Variants in PGAP3 observed in about 807,000 individuals in gnomAD.
The protein encoded by PGAP3 is post-GPI attachment to proteins phospholipase 3, also known as GPI-specific phospholipase A2-like PGAP3.
A neutral mutation model predicts 40.3 loss-of-function variants in PGAP3; 31 were observed. That is an observed-to-expected ratio of 0.77 (90% CI 0.58 to 1.04). The LOEUF (loss-of-function observed/expected upper bound fraction) is 1.04, where lower values mean the gene tolerates loss of function less well. Among genes scored for constraint, PGAP3 ranks in the 50% least tolerant of loss-of-function variants. The pLI, the probability that PGAP3 is intolerant of heterozygous loss-of-function variation, is 0.00. For synonymous variants in PGAP3, 191 were observed against 184.5 expected (o/e 1.04, Z -0.29); for missense variants, 413 against 423.0 (o/e 0.98, Z 0.21).
At chr17:39,682,499 T>C (rs1320451503) in intron 3 of PGAP3, among the ~76,000 whole-genome samples, 1 of 152,144 alleles carries the variant, frequency 6.6e-6, no homozygotes, top group East Asian at 1.9e-4. Flanking sequence ...ATGCTTAGAG[T>C]GATGCCTGGC....
Position 39,672,653 on chromosome 17 carries a change from G to A in PGAP3, c.*150C>T, listed in dbSNP as rs1206191219. 4 of 805,536 alleles carry A rather than the reference G, an allele frequency of 5.0e-6. No individual in the cohort carries two copies. The highest frequency in any genetic ancestry group is 8.0e-6 in the Non-Finnish European group (4 of 497,542). 49.9% of individuals were successfully genotyped at this position (805,536 alleles called of 1,614,324 possible). On this transcript the variant is annotated 3_prime_UTR_variant, in exon 8 of 8. Transcript: ENST00000300658. ...CCAAGGCTGGTGAGGGCCAACAGGG[G>A]GTGGGCTGGCCACATGATTCTGGGC...
intron 3 of PGAP3, among the ~76,000 whole-genome samples, chr17:39,682,048 A>G (rs2517952): frequency 0.67 from 100,675 of 149,822 alleles, 34,152 homozygotes; most frequent in South Asian, 0.73. Context: ...GTGAAACCCC[A>G]TCTCTACTAA....
Position 39,673,174 on chromosome 17 carries a change from A to C in PGAP3, c.776T>G (p.Val259Gly). ...RLPHVRKCVV[V>G]VLLLQGLSLL... Reference sequence around the variant, plus strand: ...GGACAGCCCCTGCAGCAGCAAGACCACCACCACGCACTTGCGCACGTGAGG... The same window carrying C: ...GGACAGCCCCTGCAGCAGCAAGACCCCCACCACGCACTTGCGCACGTGAGG... The change falls in exon 7 of 8, where the codon GTG becomes GGG. Residue 259 changes from valine (V) to glycine (G), a missense_variant. Transcript: ENST00000300658. The C allele has an allele frequency of 6.3e-7, 1 of 1,583,834 alleles. No homozygotes were observed. Among genetic ancestry groups the C allele is most frequent in the Non-Finnish European group, 8.6e-7 (1 of 1,165,586 alleles).
At chr17:39,683,875 T>A (rs1165028015) in intron 3 of PGAP3, among the ~76,000 whole-genome samples, 5 of 152,030 alleles carry the variant, frequency 3.3e-5, no homozygotes, top group African/African-American at 1.2e-4. Context: ...CTGTAATCCC[T>A]GCACTTTGGG....
rs772053187 is a variant in PGAP3, at chr17:39,673,464, C to T, written c.694+50G>A. 5 of 1,610,334 alleles carry T rather than the reference C, an allele frequency of 3.1e-6. No homozygotes were observed. In the Admixed American group the frequency reaches 5.0e-5, roughly 16 times the overall value. ...AGGAATGGCACCAACCTCCCACTCG[C>T]ACCCCAAGCTAGCACTTCTGCAGAT... is the stretch of plus-strand genomic sequence containing the variant. On this transcript the variant is annotated intron_variant, in intron 6 of 7. Transcript: ENST00000300658.
At chr17:39,681,946 C>T (rs1003661632) in intron 3 of PGAP3, among the ~76,000 whole-genome samples, 5 of 151,756 alleles carry the variant, frequency 3.3e-5, no homozygotes, top group African/African-American at 7.3e-5. Context: ...GTGGGCCGGG[C>T]GCAGTGGCTC....
intron 3 of PGAP3, among the ~76,000 whole-genome samples, chr17:39,678,513 G>A (rs1211631788): frequency 1.3e-5 from 2 of 152,250 alleles, no homozygotes; most frequent in Non-Finnish European, 2.9e-5. Flanking sequence ...GGCAAGGGCT[G>A]CCTTCTTGTG....
intron 1 of PGAP3, among the ~76,000 whole-genome samples, chr17:39,687,087 A>G (rs958926795): frequency 6.6e-6 from 1 of 152,156 alleles, no homozygotes; most frequent in African/African-American, 2.4e-5. Flanking sequence ...ACATCTGCCC[A>G]GGGCATCCAT....
At position 39,673,573 on chromosome 17, in the gene PGAP3, G is replaced by A. The variant is rs1350806008; in HGVS notation, c.635C>T (p.Ser212Phe). ...LLLLMLTVHVSYLSLIRFDYG... is the reference protein window; with the variant it reads ...LLLLMLTVHVFYLSLIRFDYG... ...GTCGAAGCGGATGAGGCTCAGGTAG[G>A]AGACGTGCACGGTCAGCATGAGCAG... The change falls in exon 6 of 8, where the codon TCC becomes TTC. Residue 212 changes from serine (S) to phenylalanine (F), a missense_variant. Coordinates refer to ENST00000300658, the MANE Select transcript of PGAP3 (RefSeq NM_033419.5). The A allele has an allele frequency of 6.2e-7, 1 of 1,614,024 alleles. No individual in the cohort carries two copies. Among genetic ancestry groups the A allele is most frequent in the African/African-American group, 1.3e-5 (1 of 74,902 alleles).
intron 2 of PGAP3, 65 bp downstream of exon 2, chr17:39,685,857 C>T: frequency 3.4e-6 from 5 of 1,464,858 alleles, no homozygotes; most frequent in Non-Finnish European, 4.7e-6. Context: ...CAGTGTGGTC[C>T]AACCAGGGGG....
intron 3 of PGAP3, 30 bp from the exon 4 acceptor site, chr17:39,674,709 GC>G: frequency 2.6e-6 from 4 of 1,539,058 alleles, no homozygotes; most frequent in East Asian, 4.9e-5. Flanking sequence ...TGAGCATGCT[GC>G]CCCCCACCCT....
Position 39,671,155 on chromosome 17 carries a change from T to C in PGAP3, c.*1648A>G, listed in dbSNP as rs1197657409. 1 of 152,342 alleles carries C rather than the reference T, an allele frequency of 6.6e-6. No homozygotes were observed. The highest frequency in any genetic ancestry group is 6.5e-5 in the Admixed American group (1 of 15,278). The allele number at this position is 152,342 out of a possible 1,614,324, so 9.4% of individuals were successfully genotyped here. A position where few individuals can be genotyped will look rare whatever the true frequency, so the allele number is the denominator to read the frequency against. On this transcript the variant is annotated 3_prime_UTR_variant, in exon 8 of 8. Transcript: ENST00000300658. ...GGAATTGATTTATTAAGCACATCCC[T>C]TGCCACCCTCCCACCTTAAAAGTTT...
chr17:39,685,551 G>A (rs762179565), intron 2 of PGAP3, among the ~76,000 whole-genome samples: 6 of 151,804 alleles, frequency 4.0e-5, no homozygotes, highest in Non-Finnish European at 7.4e-5. Flanking sequence ...ACTGTGCCTC[G>A]CTAGACAAGC....
At chr17:39,684,115 ACT>A (rs1242575727) in intron 3 of PGAP3, among the ~76,000 whole-genome samples, 2 of 110,680 alleles carry the variant, frequency 1.8e-5, no homozygotes, top group African/African-American at 7.6e-5. Context: ...ACACAGTGAG[ACT>A]CTGTCTCAAA....
At chr17:39,673,863 C>T in intron 5 of PGAP3, 130 bp downstream of exon 5, 1 of 1,269,270 alleles carries the variant, frequency 7.9e-7, no homozygotes, top group South Asian at 1.3e-5. Flanking sequence ...CCCAGGACAG[C>T]TGATGTGTTG....
At chr17:39,677,690 G>T (rs1415327247) in intron 3 of PGAP3, among the ~76,000 whole-genome samples, 1 of 152,212 alleles carries the variant, frequency 6.6e-6, no homozygotes, top group African/African-American at 2.4e-5. Context: ...GAGGAGAGGG[G>T]GTGGCCAGGG....
intron 3 of PGAP3, among the ~76,000 whole-genome samples, chr17:39,682,033 A>G (rs1317313070): frequency 6.6e-6 from 1 of 151,468 alleles, no homozygotes; most frequent in Non-Finnish European, 1.5e-5. Context: ...ATCCTGGCTA[A>G]CATGGTGAAA....
At chr17:39,684,938 ACC>A in intron 2 of PGAP3, 189 bp from the exon 3 acceptor site, 1 of 654,224 alleles carries the variant, frequency 1.5e-6, no homozygotes, top group Non-Finnish European at 2.5e-6. Context: ...TAAGAGTTAT[ACC>A]CCCATCCTGG....
chr17:39,687,883 G>T lies in PGAP3; in HGVS notation c.132C>A (p.Gly44=). Residue 44 remains glycine (G), a synonymous_variant, in exon 1 of 8, where the codon GGC becomes GGA. Transcript: ENST00000300658. ...LQCEEQNCSG[G]ALNHFRSRQP... The stretch of plus-strand genomic sequence containing the variant: ...GGCGGGAGCGGAAGTGATTCAGAGC[G>T]CCCCCAGAGCAGTTCTGCTCTTCGC... The T allele has an allele frequency of 2.0e-6, 3 of 1,502,334 alleles. No individual in the cohort carries two copies. Among genetic ancestry groups the T allele is most frequent in the Non-Finnish European group, 2.7e-6 (3 of 1,112,820 alleles). The allele number at this position is 1,502,334 out of a possible 1,614,324, so 93.1% of individuals were successfully genotyped here.
Sources: allele counts gnomAD v4.1 joint callset (sites outside exome capture counted in the v4.1 genomes callset), GRCh38; gene constraint gnomAD v4.1.1; transcripts MANE v1.5; gene names NCBI Gene and HGNC (gene_info 2026-07-23, HGNC 2026-07-21).